The following FBXW11 variants were observed in gnomAD, a reference collection of about 807,000 sequenced individuals.
FBXW11 encodes F-box and WD repeat domain containing 11.
In FBXW11, 19 loss-of-function variants were observed where a neutral mutation model predicts 77.6. The observed-to-expected ratio is 0.24, with a 90% CI of 0.17 to 0.36. The LOEUF is 0.36. FBXW11 is among the 10% of genes least tolerant of loss of function. The pLI, the probability that FBXW11 is intolerant of heterozygous loss-of-function variation, is 1.00. For synonymous variants in FBXW11, 235 were observed against 249.4 expected (o/e 0.94, Z 0.54); for missense variants, 334 against 704.2 (o/e 0.47, Z 5.95).
At chr5:171,939,534 G>GA (rs975307770) in intron 2 of FBXW11, among the ~76,000 whole-genome samples, 170 of 151,852 alleles carry the variant, frequency 1.1e-3, no homozygotes, top group African/African-American at 3.9e-3. Flanking sequence ...CCGTCTCTAA[G>GA]AAAAATGACA....
chr5:171,997,139 G>A, intron 1 of FBXW11: 1 of 1,136,938 alleles, frequency 8.8e-7, no homozygotes, highest in Non-Finnish European at 1.2e-6. Context: ...AGGGTCAATG[G>A]AATGGTGGAT....
At chr5:171,914,430 T>C in intron 2 of FBXW11, 25 bp from the exon 3 acceptor site, 5 of 1,555,858 alleles carry the variant, frequency 3.2e-6, no homozygotes, top group Non-Finnish European at 4.3e-6. Context: ...ACAGGTTATT[T>C]GAATTATACC....
At chr5:171,917,926 A>T (rs572366267) in intron 2 of FBXW11, among the ~76,000 whole-genome samples, 2 of 152,226 alleles carry the variant, frequency 1.3e-5, no homozygotes, top group African/African-American at 4.8e-5. Context: ...AATTCATTTA[A>T]TCCAACTTTC....
At chr5:171,880,859 C>A (rs1758453339) in intron 7 of FBXW11, among the ~76,000 whole-genome samples, 1 of 152,116 alleles carries the variant, frequency 6.6e-6, no homozygotes, top group Non-Finnish European at 1.5e-5. Context: ...CCACACCCGG[C>A]TAATTTTTGT....
Position 171,888,029 on chromosome 5 carries a change from T to C in FBXW11, c.852+3438A>G, listed in dbSNP as rs541835970. Among the ~76,000 whole-genome samples the C allele has an allele frequency of 2.6e-5, 4 of 152,118 alleles. No individual in the cohort carries two copies. In the East Asian group the frequency reaches 5.8e-4, roughly 22 times the overall value. On this transcript the variant is annotated intron_variant, in intron 7 of 13. Transcript: ENST00000517395. ...TTGACCAGGAAGCTATACAGTGAAA[T>C]AGCAAAACATGCAGCTAAAATTCTG...
In FBXW11 at chr5:171,944,465, T is replaced by C. The variant is rs1445219449; in HGVS notation, c.147+13132A>G. Reference sequence around the variant, plus strand: ...TGGCGGGCGCCTGTAGTCCCAGCTATGCGGGAGGCTGAGGCAGGAGAATGG... The same window carrying C: ...TGGCGGGCGCCTGTAGTCCCAGCTACGCGGGAGGCTGAGGCAGGAGAATGG... On this transcript the variant is annotated intron_variant, in intron 2 of 13. Transcript: ENST00000517395. Among the ~76,000 whole-genome samples the C allele has an allele frequency of 3.4e-5, 5 of 146,940 alleles. No homozygotes were observed. In the East Asian group the frequency reaches 1.0e-3, roughly 31 times the overall value.
chr5:171,875,250 TAAAAAAA>T (rs55689036), intron 9 of FBXW11, among the ~76,000 whole-genome samples: 1 of 148,106 alleles, frequency 6.8e-6, no homozygotes, highest in African/African-American at 2.6e-5. Flanking sequence ...TCTGTACTTT[TAAAAAAA>T]AAAAAAAAAA....
At chr5:171,986,160 C>A (rs1765428923) in intron 1 of FBXW11, among the ~76,000 whole-genome samples, 1 of 152,150 alleles carries the variant, frequency 6.6e-6, no homozygotes, top group Admixed American at 6.5e-5. Flanking sequence ...ATAATACCAG[C>A]ACTTTGGGAG....
chr5:171,887,935 A>G (rs1759031429), intron 7 of FBXW11, among the ~76,000 whole-genome samples: 1 of 152,224 alleles, frequency 6.6e-6, no homozygotes, highest in African/African-American at 2.4e-5. Context: ...CTGGGATTAC[A>G]GGCATGAGCC....
chr5:171,883,508 C>T (rs1758663925), intron 7 of FBXW11, among the ~76,000 whole-genome samples: 1 of 151,994 alleles, frequency 6.6e-6, no homozygotes, highest in Non-Finnish European at 1.5e-5. Context: ...GCACATGTAC[C>T]CTAAAACTTA....
At chr5:171,884,687 AT>A (rs1446985831) in intron 7 of FBXW11, among the ~76,000 whole-genome samples, 14 of 152,264 alleles carry the variant, frequency 9.2e-5, no homozygotes, top group African/African-American at 3.1e-4. Context: ...TATTTTCACA[AT>A]ATTGATTCTA....
At chr5:171,883,010 C>A (rs1470914068) in intron 7 of FBXW11, among the ~76,000 whole-genome samples, 1 of 151,918 alleles carries the variant, frequency 6.6e-6, no homozygotes, top group Non-Finnish European at 1.5e-5. Context: ...TAGCTTAGCT[C>A]TTACATAACA....
chr5:171,900,227 T>C (rs751718950), intron 4 of FBXW11, 127 bp from the exon 5 acceptor site: 5 of 732,700 alleles, frequency 6.8e-6, no homozygotes, highest in Non-Finnish European at 1.1e-5. Flanking sequence ...ATATCAAAAG[T>C]TCTACAGATA....
chr5:171,920,446 T>C (rs1364403289), intron 2 of FBXW11, among the ~76,000 whole-genome samples: 5 of 147,580 alleles, frequency 3.4e-5, no homozygotes, highest in African/African-American at 1.2e-4. Context: ...CCTGAAGGGC[T>C]GGGCACAGTG....
intron 1 of FBXW11, among the ~76,000 whole-genome samples, chr5:171,980,830 T>C (rs1158992863): frequency 6.6e-6 from 1 of 152,238 alleles, no homozygotes; most frequent in South Asian, 2.1e-4. Context: ...TTTGCTGCCC[T>C]GATGACCCCC....
chr5:171,883,761 G>A (rs1459321581), intron 7 of FBXW11, among the ~76,000 whole-genome samples: 1 of 152,036 alleles, frequency 6.6e-6, no homozygotes, highest in Non-Finnish European at 1.5e-5. Context: ...TTCCTGTGTT[G>A]AGCATTTTTT....
At chr5:172,004,714 A>C (rs1766623626) in intron 1 of FBXW11, among the ~76,000 whole-genome samples, 1 of 152,210 alleles carries the variant, frequency 6.6e-6, no homozygotes, top group Non-Finnish European at 1.5e-5. Context: ...ATTCTTAAGA[A>C]TATGTAATAT....
intron 2 of FBXW11, among the ~76,000 whole-genome samples, chr5:171,939,940 A>G (rs1762665230): frequency 6.6e-6 from 1 of 152,148 alleles, no homozygotes; most frequent in South Asian, 2.1e-4. Flanking sequence ...ACATCCTCTC[A>G]TATACTTTAA....
rs397999920 is a variant in FBXW11 at position 171,893,421 on chromosome 5, CAAAAA to C, written c.715-1822_715-1818del. Among the ~76,000 whole-genome samples the C allele has an allele frequency of 3.6e-3, 143 of 39,838 alleles. 4 individuals are homozygous for C. Among genetic ancestry groups the C allele is most frequent in the Non-Finnish European group, 4.8e-3 (108 of 22,466 alleles). 26.1% of individuals were successfully genotyped at this position (39,838 alleles called of 152,430 possible). The stretch of plus-strand genomic sequence containing the variant: ...GACATACAAAAGCACACTTCAAAAC[CAAAAA>C]AAAAAAAAAAAAAAAAAAAAACTAA... On this transcript the variant is annotated intron_variant, in intron 6 of 13. Coordinates refer to ENST00000517395, the MANE Select transcript of FBXW11 (RefSeq NM_001378974.1).
Sources: allele counts gnomAD v4.1 joint callset (sites outside exome capture counted in the v4.1 genomes callset), GRCh38; gene constraint gnomAD v4.1.1; transcripts MANE v1.5; gene names NCBI Gene and HGNC (gene_info 2026-07-23, HGNC 2026-07-21).